COL6A5: variants seen among roughly 807,000 people sequenced by gnomAD.
COL6A5 encodes the protein collagen type VI alpha 5 chain, also known as collagen alpha-5(VI) chain.
A neutral mutation model predicts 65.6 loss-of-function variants in COL6A5; 48 were observed. The ratio of observed to expected loss-of-function variants is 0.73; its 90% CI spans 0.58 to 0.93. The LOEUF (loss-of-function observed/expected upper bound fraction) is 0.93. Among genes scored for constraint, COL6A5 ranks in the 40% least tolerant of loss-of-function variants. The pLI is 0.00. For synonymous variants in COL6A5, 291 were observed against 322.8 expected (o/e 0.90, Z 1.05); for missense variants, 914 against 928.3 (o/e 0.98, Z 0.20).
chr3:130,395,284 C>G, exon 8 of COL6A5: 1 of 1,551,512 alleles, frequency 6.4e-7, no homozygotes, highest in South Asian at 1.2e-5. Context: ...CAGTAAAAAC[C>G]CTGAAGGACC....
At chr3:130,405,900 A>G (rs1936971884) in intron 14 of COL6A5, 93 bp from the exon 15 acceptor site, 1 of 1,275,012 alleles carries the variant, frequency 7.8e-7, no homozygotes, top group Non-Finnish European at 1.1e-6. Flanking sequence ...CGAAGCGACT[A>G]AAGAAATACA....
At chr3:130,478,550 G>A (rs143986983) in intron 7 of COL6A5, among the ~76,000 whole-genome samples, 2 of 152,174 alleles carry the variant, frequency 1.3e-5, no homozygotes, top group East Asian at 3.9e-4. Flanking sequence ...AATCACAGAA[G>A]GGCATCCTTT....
intron 1 of COL6A5, among the ~76,000 whole-genome samples, chr3:130,354,028 G>C (rs937641642): frequency 6.6e-6 from 1 of 150,668 alleles, no homozygotes; most frequent in Non-Finnish European, 1.5e-5. Context: ...AGAAAAGAAA[G>C]AGAGAAGTAG....
chr3:130,346,838 C>T (rs1022894906), intron 1 of COL6A5, among the ~76,000 whole-genome samples: 7 of 152,170 alleles, frequency 4.6e-5, no homozygotes, highest in Non-Finnish European at 1.0e-4. Context: ...TATATATTTA[C>T]TTTGTGAATT....
At chr3:130,400,055 G>A (rs1174273513) in intron 10 of COL6A5, among the ~76,000 whole-genome samples, 1 of 152,112 alleles carries the variant, frequency 6.6e-6, no homozygotes, top group Non-Finnish European at 1.5e-5. Context: ...GAGCCACTGT[G>A]CCTGGTCCCC....
chr3:130,409,363 G>A, exon 18 of COL6A5: 1 of 1,548,742 alleles, frequency 6.5e-7, no homozygotes, highest in Non-Finnish European at 8.7e-7. Context: ...GGGCAGTATG[G>A]AGAGAAGGGC....
intron 10 of COL6A5, 65 bp from the exon 11 acceptor site, chr3:130,400,966 T>C (rs1168358360): frequency 7.7e-7 from 1 of 1,292,276 alleles, no homozygotes; most frequent in Admixed American, 3.1e-5. Context: ...GTAGAATTAT[T>C]ATGTCTTCTT....
chr3:130,440,950 G>A, intron 3 of COL6A5, 125 bp downstream of exon 35: 2 of 779,462 alleles, frequency 2.6e-6, no homozygotes, highest in Non-Finnish European at 4.0e-6. Flanking sequence ...TGGTGAGATA[G>A]GGGCAGGAAT....
chr3:130,367,008 G>T (rs1184398401), intron 1 of COL6A5, among the ~76,000 whole-genome samples: 1 of 152,184 alleles, frequency 6.6e-6, no homozygotes, highest in Non-Finnish European at 1.5e-5. Context: ...CTTGGAGGAA[G>T]AATTTTATGT....
At chr3:130,473,103 G>A (rs1014507472) in intron 7 of COL6A5, among the ~76,000 whole-genome samples, 15 of 151,424 alleles carry the variant, frequency 9.9e-5, no homozygotes, top group African/African-American at 3.4e-4. Flanking sequence ...TGAAATATAT[G>A]GTTCTCATCA....
chr3:130,471,084 G>GTT, intron 7 of COL6A5, 117 bp downstream of exon 39: 2 of 689,538 alleles, frequency 2.9e-6, no homozygotes, highest in Non-Finnish European at 5.1e-6. Flanking sequence ...TTGTGTGTGT[G>GTT]TGTGTGTGTG....
chr3:130,417,391 A>C lies in COL6A5; in HGVS notation c.4887+572A>C, dbSNP rs1184464946. ...CAAGCACCATCAGCAAGTCACCAGC[A>C]TTCCACTAATATGTACTCTTCCTTC... On this transcript the variant is annotated intron_variant and NMD_transcript_variant, in intron 24 of 41. Transcript: ENST00000312481. Among the ~76,000 whole-genome samples the C allele has an allele frequency of 4.1e-4, 63 of 152,132 alleles. 1 individual carries two copies. The highest frequency in any genetic ancestry group is 2.9e-5 in the Non-Finnish European group (2 of 68,008).
chr3:130,403,931 A>C (rs1213433426), intron 13 of COL6A5, among the ~76,000 whole-genome samples: 1 of 151,856 alleles, frequency 6.6e-6, no homozygotes, highest in African/African-American at 2.4e-5. Flanking sequence ...ACTAAGTCTA[A>C]GTTTGGGGTA....
chr3:130,473,225 G>C (rs939018487), intron 7 of COL6A5, among the ~76,000 whole-genome samples: 2 of 151,868 alleles, frequency 1.3e-5, no homozygotes, highest in Admixed American at 1.3e-4. Context: ...ACTACCTGAG[G>C]GCTCTGAAAA....
chr3:130,418,316 C>T (rs1321603365), intron 24 of COL6A5, among the ~76,000 whole-genome samples: 7 of 152,014 alleles, frequency 4.6e-5, no homozygotes, highest in Admixed American at 4.6e-4. Context: ...CTGGATCACT[C>T]TCACCCCTTT....
chr3:130,349,213 C>T (rs897322845), intron 1 of COL6A5, among the ~76,000 whole-genome samples: 41 of 151,918 alleles, frequency 2.7e-4, no homozygotes, highest in Admixed American at 2.4e-3. Context: ...TAAGTCACTT[C>T]GTTAATTAAT....
chr3:130,479,878 A>C (rs1200882356), intron 7 of COL6A5, among the ~76,000 whole-genome samples: 1 of 152,128 alleles, frequency 6.6e-6, no homozygotes, highest in Non-Finnish European at 1.5e-5. Flanking sequence ...ATTAATAGCC[A>C]TTTGATAAAT....
exon 20 of COL6A5, chr3:130,410,474 A>G (rs1453663814): frequency 6.5e-7 from 1 of 1,550,046 alleles, no homozygotes; most frequent in Non-Finnish European, 8.7e-7. Flanking sequence ...TTTTTAGGGT[A>G]GAAGTGGACA....
chr3:130,355,920 A>G (rs1164684810), intron 1 of COL6A5, among the ~76,000 whole-genome samples: 2 of 152,132 alleles, frequency 1.3e-5, no homozygotes, highest in Non-Finnish European at 2.9e-5. Context: ...GAGATTTGAT[A>G]AGTTGCTTAT....
Sources: gnomAD v4.1 joint callset for allele counts (sites outside exome capture counted in the v4.1 genomes callset) on GRCh38, gnomAD v4.1.1 for gene constraint, MANE v1.5 for transcripts, NCBI Gene and HGNC (gene_info 2026-07-23, HGNC 2026-07-21) for gene names.